Variants in PCDHA11 observed in about 807,000 individuals in gnomAD.
PCDHA11 encodes protocadherin alpha 11, also known as protocadherin alpha-11.
A neutral mutation model predicts 70.3 loss-of-function variants in PCDHA11; 61 were observed. The ratio of observed to expected loss-of-function variants is 0.87; its 90% CI spans 0.71 to 1.07. The LOEUF (loss-of-function observed/expected upper bound fraction) is 1.07. Ranked by LOEUF, PCDHA11 falls within the 50% of genes least tolerant of loss-of-function variation. The probability of loss-of-function intolerance (pLI) is 0.00; values close to 1 mark genes in which losing one functional copy is unlikely to be tolerated. For synonymous variants in PCDHA11, 633 were observed against 555.1 expected, an observed-to-expected ratio of 1.14 and a Z score of -1.97; for missense variants, 1,324 against 1,237.5, an observed-to-expected ratio of 1.07 and a Z score of -1.05.
intron 1 of PCDHA11, among the ~76,000 whole-genome samples, chr5:140,970,168 G>T (rs1050888983): frequency 6.6e-6 from 1 of 152,168 alleles, no homozygotes; most frequent in Non-Finnish European, 1.5e-5. Context: ...ACCTTTCTTG[G>T]CATACTCTGA....
intron 1 of PCDHA11, chr5:140,969,386 C>T (rs782109093): frequency 2.5e-6 from 4 of 1,596,966 alleles, no homozygotes; most frequent in South Asian, 1.1e-5. Flanking sequence ...TACACATCCC[C>T]CAATATCCTG....
At chr5:140,892,885 ACCAACCTTTCC>A (rs1269753589) in intron 1 of PCDHA11, among the ~76,000 whole-genome samples, 1 of 152,154 alleles carries the variant, frequency 6.6e-6, no homozygotes, top group Non-Finnish European at 1.5e-5. Flanking sequence ...GTATCCATTA[ACCAACCTTTCC>A]CCATCCTCCT....
intron 1 of PCDHA11, chr5:140,877,039 C>A (rs782458785): frequency 6.2e-7 from 1 of 1,612,458 alleles, no homozygotes; most frequent in African/African-American, 1.3e-5. Context: ...GCTGCAGCCG[C>A]TAGACCACGA....
intron 1 of PCDHA11, among the ~76,000 whole-genome samples, chr5:140,923,207 A>G (rs2081229144): frequency 6.6e-6 from 1 of 152,144 alleles, no homozygotes. Flanking sequence ...TGGGAGGCTA[A>G]GGTGAAAGGA....
At chr5:140,978,818 C>T in intron 1 of PCDHA11, 131 bp from the exon 2 acceptor site, 4 of 1,512,636 alleles carry the variant, frequency 2.6e-6, no homozygotes, top group Non-Finnish European at 3.5e-6. Flanking sequence ...TAGAGTTACA[C>T]ATGAAATGGC....
At chr5:140,926,607 C>T (rs887450914) in intron 1 of PCDHA11, 1 of 348,974 alleles carries the variant, frequency 2.9e-6, no homozygotes, top group Non-Finnish European at 5.1e-6. Context: ...GGCCTCGTCT[C>T]TGCACCCCTA....
In PCDHA11 at chr5:140,871,382, A is replaced by C. The variant is rs781900960; in HGVS notation, c.2279A>C (p.Glu760Ala). 6.2e-7 allele frequency: 1 copy of C among 1,614,070 alleles called. No homozygotes were observed. Among genetic ancestry groups the C allele is most frequent in the South Asian group, 1.1e-5 (1 of 91,092 alleles). The change falls in exon 1 of 4, where the codon GAG becomes GCG. Residue 760 changes from glutamate (E) to alanine (A), a missense_variant. Transcript: ENST00000398640. ...CAGAGGCGGCAGAGGGTGTGCTCTG[A>C]GGAGGGCCCACCTAAGACGGACCTC... Reference protein sequence around the residue: ...SQQRRQRVCSEEGPPKTDLMA... With the variant: ...SQQRRQRVCSAEGPPKTDLMA...
rs1026448396 is a variant in PCDHA11 at position 140,869,464 on chromosome 5, G to A, written c.361G>A (p.Val121Met). 1.1e-5 allele frequency: 18 copies of A among 1,614,080 alleles called. No individual in the cohort carries two copies. Among genetic ancestry groups the A allele is most frequent in the Non-Finnish European group, 1.4e-5 (17 of 1,180,040 alleles). Reference protein sequence around the residue: ...DRPLQVFHVNVEVKDINDNPP... With the variant: ...DRPLQVFHVNMEVKDINDNPP... ...GCCGCTGCAGGTTTTCCATGTGAAC[G>A]TGGAGGTGAAGGACATTAACGACAA... Residue 121 changes from valine to methionine, a missense_variant, in exon 1 of 4, where the codon GTG becomes ATG. Transcript: ENST00000398640.
intron 3 of PCDHA11, among the ~76,000 whole-genome samples, chr5:140,989,748 G>A (rs868949345): frequency 1.3e-4 from 20 of 152,192 alleles, no homozygotes; most frequent in African/African-American, 4.8e-4. Context: ...GCCTAATCTG[G>A]AGAAACATAT....
At chr5:141,009,001 A>G (rs1373262105) in intron 3 of PCDHA11, among the ~76,000 whole-genome samples, 1 of 152,246 alleles carries the variant, frequency 6.6e-6, no homozygotes, top group East Asian at 1.9e-4. Flanking sequence ...TAAAAGGAGC[A>G]TATTTTGCCT....
chr5:140,883,710 A>C (rs782592824), intron 1 of PCDHA11: 1 of 1,613,516 alleles, frequency 6.2e-7, no homozygotes, highest in South Asian at 1.1e-5. Context: ...TCTGCTCAGG[A>C]CGCGGACGCA....
At position 140,877,008 on chromosome 5, in the gene PCDHA11, G is replaced by A. The variant is rs368922456; in HGVS notation, c.2391+5514G>A. On this transcript the variant is annotated intron_variant, in intron 1 of 3. Coordinates refer to ENST00000398640, the MANE Select transcript of PCDHA11 (RefSeq NM_018902.5). Reference sequence around the variant, plus strand: ...TGTCGAGCTACGTGTCGGTGCACGCGGAGAGCGGCAAGGTGTACGCGCTGC... The same window carrying A: ...TGTCGAGCTACGTGTCGGTGCACGCAGAGAGCGGCAAGGTGTACGCGCTGC... 82 of 1,612,526 alleles carry A rather than the reference G, an allele frequency of 5.1e-5. No homozygotes were observed. The African/African-American group carries it at 9.3e-4, about 18-fold the overall frequency.
chr5:140,879,685 A>G (rs2058084553), intron 1 of PCDHA11, among the ~76,000 whole-genome samples: 1 of 152,266 alleles, frequency 6.6e-6, no homozygotes, highest in East Asian at 1.9e-4. Flanking sequence ...GCTGTAAAAC[A>G]GCAAAAGTTT....
chr5:140,891,235 G>T (rs186707439), intron 1 of PCDHA11, among the ~76,000 whole-genome samples: 48 of 152,092 alleles, frequency 3.2e-4, no homozygotes, highest in African/African-American at 1.1e-3. Flanking sequence ...TCCTGTTCTG[G>T]ATTCAGTAGG....
At chr5:140,915,207 A>G (rs1238146165) in intron 1 of PCDHA11, among the ~76,000 whole-genome samples, 2 of 152,154 alleles carry the variant, frequency 1.3e-5, no homozygotes, top group Non-Finnish European at 2.9e-5. Flanking sequence ...TTGGCCTCCC[A>G]AAGTGCTGGG....
At chr5:140,991,614 A>G (rs1554252334) in intron 3 of PCDHA11, among the ~76,000 whole-genome samples, 2 of 152,194 alleles carry the variant, frequency 1.3e-5, no homozygotes, top group Non-Finnish European at 2.9e-5. Flanking sequence ...AGCACCTTTA[A>G]TGCCATATTT....
chr5:141,000,776 G>A (rs1455881211), intron 3 of PCDHA11, among the ~76,000 whole-genome samples: 1 of 151,562 alleles, frequency 6.6e-6, no homozygotes, highest in Non-Finnish European at 1.5e-5. Context: ...GCATAGTGGC[G>A]CACACCTGTA....
chr5:140,882,182 G>GACT (rs1284192603), intron 1 of PCDHA11: 2 of 1,518,394 alleles, frequency 1.3e-6, no homozygotes, highest in African/African-American at 2.8e-5. Flanking sequence ...TCCGCACTAG[G>GACT]AAGCCATAAA....
chr5:140,979,147 C>A (rs2096836802), intron 2 of PCDHA11, 140 bp downstream of exon 2: 2 of 1,442,248 alleles, frequency 1.4e-6, no homozygotes, highest in African/African-American at 2.9e-5. Flanking sequence ...ATTATTTTGT[C>A]CCCATGTTTA....
Sources: allele counts gnomAD v4.1 joint callset (sites outside exome capture counted in the v4.1 genomes callset), GRCh38; gene constraint gnomAD v4.1.1; transcripts MANE v1.5; gene names NCBI Gene and HGNC (gene_info 2026-07-23, HGNC 2026-07-21).